Variants in PLA2G4B observed in about 807,000 individuals in gnomAD.
PLA2G4B encodes cytosolic phospholipase A2 beta.
PLA2G4B carries 122 observed loss-of-function variants against 95.8 expected under a neutral mutation model. That is an observed-to-expected ratio of 1.27 (90% confidence interval 1.10 to 1.48). PLA2G4B has a LOEUF of 1.48. Among genes scored for constraint, PLA2G4B ranks in the 40% most tolerant of loss-of-function variants. The pLI is 0.00. For missense variants in PLA2G4B, 1,158 were observed against 996.2 expected, an observed-to-expected ratio of 1.16 and a Z score of -2.19; for synonymous variants, 518 against 421.5, an observed-to-expected ratio of 1.23 and a Z score of -2.80.
Position 41,840,556 on chromosome 15 carries a change from C to G in PLA2G4B, c.115C>G (p.Leu39Val). 1 of 1,613,884 alleles carries G rather than the reference C, an allele frequency of 6.2e-7. No individual in the cohort carries two copies. The highest frequency in any genetic ancestry group is 8.5e-7 in the Non-Finnish European group (1 of 1,180,028). ...TPSDCYVTLW[L>V]PTACSHRLQT... Reference sequence around the variant, plus strand: ...CTCTGACTGCTACGTGACTCTCTGGCTGCCCACGGCCTGCAGCCACAGGCT... The same window carrying G: ...CTCTGACTGCTACGTGACTCTCTGGGTGCCCACGGCCTGCAGCCACAGGCT... Residue 39 changes from leucine to valine, a missense_variant, in exon 3 of 20, where the codon CTG (leucine) becomes GTG (valine). Coordinates refer to ENST00000458483, the MANE Select transcript of PLA2G4B (RefSeq NM_001114633.2).
intron 8 of PLA2G4B, 89 bp from the exon 9 acceptor site, chr15:41,842,104 C>G: frequency 6.3e-7 from 1 of 1,588,488 alleles, no homozygotes; most frequent in Non-Finnish European, 8.6e-7. Flanking sequence ...CCTCCCATAA[C>G]TCTATGGCTG....
chr15:41,847,579 T>A (rs2065590429), intron 19 of PLA2G4B, 56 bp downstream of exon 19: 1 of 1,608,876 alleles, frequency 6.2e-7, no homozygotes. Flanking sequence ...ACCTCCTCCG[T>A]CCCCTGTGCC....
intron 2 of PLA2G4B, 132 bp from the exon 3 acceptor site, chr15:41,840,392 C>T: frequency 6.3e-7 from 1 of 1,579,636 alleles, no homozygotes; most frequent in Non-Finnish European, 8.6e-7. Context: ...GCAGCTGGGG[C>T]TCTGCCTCTG....
rs761290651 is a variant in PLA2G4B at position 41,842,258 on chromosome 15, T to C, written c.687T>C (p.Leu229=). The change falls in exon 9 of 20, where the codon CTT becomes CTC. Residue 229 remains leucine, a synonymous_variant. Coordinates refer to ENST00000458483, the MANE Select transcript of PLA2G4B (RefSeq NM_001114633.2). ...TGCCCTCTGGTCAAGTGGTGAGGCTTGTCTTCCCCACGTCCCAGGTACTGG... is the reference window on the plus strand; with the variant it reads ...TGCCCTCTGGTCAAGTGGTGAGGCTCGTCTTCCCCACGTCCCAGGTACTGG... ...SALPSGQVVR[L]VFPTSQEPLM... 12 of 1,613,922 alleles carry C rather than the reference T, an allele frequency of 7.4e-6. No homozygotes were observed. The highest frequency in any genetic ancestry group is 1.7e-6 in the Non-Finnish European group (2 of 1,180,016).
In PLA2G4B at chr15:41,838,998, T is replaced by C. The variant is rs752253215; in HGVS notation, c.9+76T>C. On this transcript the variant is annotated intron_variant, in intron 1 of 19. Coordinates refer to ENST00000458483, the MANE Select transcript of PLA2G4B (RefSeq NM_001114633.2). ...TGGGGCCTAGTTAATATGTTTCTTA[T>C]GGGAGCTGTGGTCTTCTCCAGGGGT... is the stretch of plus-strand genomic sequence containing the variant. The C allele has an allele frequency of 1.4e-4, 173 of 1,227,838 alleles. 1 individual carries two copies. Among genetic ancestry groups the C allele is most frequent in the Non-Finnish European group, 1.9e-4 (165 of 868,624 alleles). 76.1% of individuals were successfully genotyped at this position (1,227,838 alleles called of 1,614,324 possible).
chr15:41,840,103 T>C, intron 1 of PLA2G4B, 55 bp from the exon 2 acceptor site: 2 of 1,590,708 alleles, frequency 1.3e-6, no homozygotes, highest in Non-Finnish European at 1.7e-6. Context: ...TTGTGGCCCC[T>C]GTCACCCTTG....
chr15:41,841,190 A>T, intron 5 of PLA2G4B, 41 bp from the exon 6 acceptor site: 2 of 1,613,766 alleles, frequency 1.2e-6, no homozygotes, highest in Non-Finnish European at 1.7e-6. Context: ...TGGGGTGGGA[A>T]CCTGGACTCC....
intron 8 of PLA2G4B, 101 bp downstream of exon 8, chr15:41,842,050 C>A: frequency 6.4e-7 from 1 of 1,559,246 alleles, no homozygotes; most frequent in Non-Finnish European, 8.7e-7. Flanking sequence ...AGAGTGGGCA[C>A]CCTGGCAGCA....
At position 41,846,796 on chromosome 15, in the gene PLA2G4B, C is replaced by T; in HGVS notation, c.1908C>T (p.Leu636=). The T allele has an allele frequency of 1.2e-6, 2 of 1,613,770 alleles. No individual in the cohort carries two copies. Among genetic ancestry groups the T allele is most frequent in the South Asian group, 1.1e-5 (1 of 91,044 alleles). ...PLLQPTRDVD[L]ILSLDYNLHG... is the part of the protein sequence containing the mutation. The stretch of plus-strand genomic sequence containing the variant: ...TGCAGCCCACTCGGGACGTGGACCT[C>T]ATCCTGTCATTGGACTACAACCTCC... The change falls in exon 18 of 20, where the codon CTC becomes CTT. Residue 636 remains leucine, a synonymous_variant. Coordinates refer to ENST00000458483, the MANE Select transcript of PLA2G4B (RefSeq NM_001114633.2).
At chr15:41,841,355 C>G in intron 6 of PLA2G4B, 82 bp downstream of exon 6, 1 of 1,610,442 alleles carries the variant, frequency 6.2e-7, no homozygotes, top group South Asian at 1.1e-5. Flanking sequence ...AGGCCCACCG[C>G]TGCCTCAGCC....
At chr15:41,840,348 G>T in intron 2 of PLA2G4B, 118 bp downstream of exon 2, 2 of 1,572,242 alleles carry the variant, frequency 1.3e-6, no homozygotes, top group Non-Finnish European at 1.7e-6. Context: ...GGGCCTAGAG[G>T]AGGGAGCTGA....
chr15:41,846,983 A>ATTCT (rs2065568193), intron 18 of PLA2G4B, 148 bp downstream of exon 18: 3 of 1,186,248 alleles, frequency 2.5e-6, no homozygotes, highest in Non-Finnish European at 3.4e-6. Flanking sequence ...AGAGGAGCTC[A>ATTCT]TTCTTTTCCG....
chr15:41,842,256 C>T lies in PLA2G4B; in HGVS notation c.685C>T (p.Leu229Phe), dbSNP rs1223958219. The T allele has an allele frequency of 6.2e-7, 1 of 1,613,972 alleles. No homozygotes were observed. The highest frequency in any genetic ancestry group is 8.5e-7 in the Non-Finnish European group (1 of 1,180,018). ...SALPSGQVVR[L>F]VFPTSQEPLM... ...CCTGCCCTCTGGTCAAGTGGTGAGG[C>T]TTGTCTTCCCCACGTCCCAGGTACT... The change falls in exon 9 of 20, where the codon CTT (leucine) becomes TTT (phenylalanine). Residue 229 changes from leucine (L) to phenylalanine (F), a missense_variant. Transcript: ENST00000458483.
chr15:41,847,592 TCCAAACCTGTCTTCC>T, intron 19 of PLA2G4B, 42 bp from the exon 20 acceptor site: 8 of 1,611,838 alleles, frequency 5.0e-6, no homozygotes, highest in Non-Finnish European at 6.8e-6. Context: ...CCTGTGCCTC[TCCAAACCTGTCTTCC>T]CCACAACGTG....
At chr15:41,845,580 G>A in intron 14 of PLA2G4B, 58 bp from the exon 15 acceptor site, 2 of 1,604,768 alleles carry the variant, frequency 1.2e-6, no homozygotes, top group Non-Finnish European at 1.7e-6. Context: ...GGGTCGGGGT[G>A]GGGGTGTGGG....
rs1567167956 is a variant in PLA2G4B, at chr15:41,838,926, AG to A, written c.9+6del. The A allele has an allele frequency of 1.3e-6, 2 of 1,592,118 alleles. No individual in the cohort carries two copies. The highest frequency in any genetic ancestry group is 1.7e-5 in the Admixed American group (1 of 57,288). On this transcript the variant is annotated splice_donor_5th_base_variant and intron_variant, in intron 1 of 19. Transcript: ENST00000458483. ...AGGACTCAGTCTCATGGCTGTGGTA[AG>A]GCCTGGCAGGGCCCTGGGTCCCTAC...
In PLA2G4B at chr15:41,844,997, G is replaced by T; in HGVS notation, c.1166G>T (p.Arg389Leu). Residue 389 changes from arginine (R) to leucine (L), a missense_variant, in exon 13 of 20, where the codon CGT becomes CTT. Arg to Leu is a moderately radical substitution (Grantham distance 102). Transcript: ENST00000458483. ...CGGTACCGGCAGGAGCTGGCCGAGCGTGCCCGCTTGGGCTACCCAAGCTGC... is the reference window on the plus strand; with the variant it reads ...CGGTACCGGCAGGAGCTGGCCGAGCTTGCCCGCTTGGGCTACCCAAGCTGC... ...LQRYRQELAE[R>L]ARLGYPSCFT... The T allele has an allele frequency of 6.2e-7, 1 of 1,607,236 alleles. No homozygotes were observed. The highest frequency in any genetic ancestry group is 8.5e-7 in the Non-Finnish European group (1 of 1,177,216).
At chr15:41,843,593 G>A (rs1032507326) in intron 10 of PLA2G4B, 83 bp from the exon 11 acceptor site, 5 of 1,561,016 alleles carry the variant, frequency 3.2e-6, no homozygotes, top group East Asian at 2.3e-5. Context: ...AGGGCAGTAG[G>A]TATTACAGGT....
rs142162398 is a variant in PLA2G4B at position 41,847,389 on chromosome 15, C to G, written c.2000C>G (p.Pro667Arg). The G allele has an allele frequency of 6.2e-7, 1 of 1,612,282 alleles. No individual in the cohort carries two copies. Among genetic ancestry groups the G allele is most frequent in the South Asian group, 1.1e-5 (1 of 91,072 alleles). The change falls in exon 19 of 20, where the codon CCC (proline) becomes CGC (arginine). Residue 667 changes from proline to arginine, a missense_variant. Coordinates refer to ENST00000458483, the MANE Select transcript of PLA2G4B (RefSeq NM_001114633.2). The stretch of plus-strand genomic sequence containing the variant: ...CAGGAGCAGGGGATCCCGTTCCCAC[C>G]CATCTCGCCCAGCCCCGAAGAGCAG... The part of the protein sequence containing the change: ...FCQEQGIPFP[P>R]ISPSPEEQLQ...
Sources: gnomAD v4.1 joint callset for allele counts on GRCh38, gnomAD v4.1.1 for gene constraint, MANE v1.5 for transcripts, NCBI Gene and HGNC (gene_info 2026-07-23, HGNC 2026-07-21) for gene names.